Variants in SUGCT observed in about 807,000 individuals in gnomAD.
The protein encoded by SUGCT is succinyl-CoA:glutarate CoA-transferase.
SUGCT carries 41 observed loss-of-function variants against 55.0 expected under a neutral mutation model. The observed-to-expected ratio is 0.74, with a 90% CI of 0.58 to 0.97. The LOEUF is 0.97. Among genes scored for constraint, SUGCT ranks in the 50% least tolerant of loss-of-function variants. The pLI is 0.00. For synonymous variants in SUGCT, 187 were observed against 200.4 expected (o/e 0.93, Z 0.56); for missense variants, 568 against 547.8 (o/e 1.04, Z -0.37).
intron 9 of SUGCT, among the ~76,000 whole-genome samples, chr7:40,320,107 A>ATTT (rs1041014032): frequency 1.1e-5 from 1 of 92,032 alleles, no homozygotes; most frequent in African/African-American, 3.2e-5. Context: ...ATATTTGTTA[A>ATTT]TTTTTTGTTT....
chr7:40,433,621 C>T (rs141604045), intron 9 of SUGCT, among the ~76,000 whole-genome samples: 194 of 152,232 alleles, frequency 1.3e-3, no homozygotes, highest in Non-Finnish European at 2.0e-3. Flanking sequence ...TACTGGCTGG[C>T]ATGGGAGTGG....
intron 12 of SUGCT, among the ~76,000 whole-genome samples, chr7:40,669,658 C>T (rs1190606212): frequency 1.3e-5 from 2 of 148,632 alleles, no homozygotes; most frequent in Non-Finnish European, 3.0e-5. Flanking sequence ...ACAAAAAAAC[C>T]CTCAACTTAA....
intron 9 of SUGCT, among the ~76,000 whole-genome samples, chr7:40,342,399 A>G (rs992633118): frequency 6.6e-6 from 1 of 152,228 alleles, no homozygotes; most frequent in African/African-American, 2.4e-5. Context: ...TGATCTTTCA[A>G]TAGAGTAATC....
intron 11 of SUGCT, among the ~76,000 whole-genome samples, chr7:40,495,584 C>T (rs1212576034): frequency 6.6e-6 from 1 of 152,044 alleles, no homozygotes; most frequent in Non-Finnish European, 1.5e-5. Flanking sequence ...AAATATAAAA[C>T]AATAAATCTC....
At chr7:40,221,696 G>A (rs1170486089) in intron 6 of SUGCT, among the ~76,000 whole-genome samples, 1 of 151,686 alleles carries the variant, frequency 6.6e-6, no homozygotes, top group African/African-American at 2.4e-5. Context: ...TCACTATGTT[G>A]GCCAGGCTGG....
chr7:41,031,335 A>G, the SUGCT span, among the ~76,000 whole-genome samples: 1 of 152,190 alleles, frequency 6.6e-6, no homozygotes, highest in Non-Finnish European at 1.5e-5. Flanking sequence ...TGATTTATGA[A>G]TTTTGGAAGC....
chr7:40,992,201 G>C, the SUGCT span, among the ~76,000 whole-genome samples: 1 of 152,078 alleles, frequency 6.6e-6, no homozygotes, highest in Non-Finnish European at 1.5e-5. Flanking sequence ...CAGAACCGAG[G>C]GTTCCTCCGC....
chr7:40,759,717 G>C (rs1788439861), intron 13 of SUGCT, among the ~76,000 whole-genome samples: 1 of 151,816 alleles, frequency 6.6e-6, no homozygotes, highest in African/African-American at 2.4e-5. Flanking sequence ...TTTATTTGAA[G>C]ATCAGTTGAC....
chr7:40,224,557 CT>C (rs750591761), intron 6 of SUGCT, among the ~76,000 whole-genome samples: 1 of 151,910 alleles, frequency 6.6e-6, no homozygotes, highest in Non-Finnish European at 1.5e-5. Context: ...GTTTTGAAGA[CT>C]TTTTTTCCTT....
chr7:40,610,288 A>G (rs1234246610), intron 12 of SUGCT, among the ~76,000 whole-genome samples: 1 of 152,248 alleles, frequency 6.6e-6, no homozygotes, highest in African/African-American at 2.4e-5. Flanking sequence ...AATCATTTAC[A>G]TCTGGGTCTC....
intron 12 of SUGCT, among the ~76,000 whole-genome samples, chr7:40,531,963 C>T (rs1029987220): frequency 4.6e-5 from 7 of 152,250 alleles, no homozygotes; most frequent in South Asian, 4.1e-4. Context: ...CGTGAGCCAC[C>T]GCGCCCGGCC....
intron 12 of SUGCT, among the ~76,000 whole-genome samples, chr7:40,700,850 A>G (rs1429560692): frequency 6.6e-6 from 1 of 152,176 alleles, no homozygotes; most frequent in Non-Finnish European, 1.5e-5. Context: ...TGGGAGTAAG[A>G]GGAGACTAGA....
intron 12 of SUGCT, among the ~76,000 whole-genome samples, chr7:40,497,984 TA>T (rs1464559148): frequency 3.3e-5 from 5 of 152,144 alleles, no homozygotes; most frequent in Non-Finnish European, 5.9e-5. Flanking sequence ...TCAAAGTGAA[TA>T]TAGGATAATT....
At chr7:40,750,191 T>C (rs1221918678) in intron 13 of SUGCT, among the ~76,000 whole-genome samples, 1 of 152,124 alleles carries the variant, frequency 6.6e-6, no homozygotes, top group Admixed American at 6.6e-5. Flanking sequence ...CCAATACATT[T>C]CCCTCCCACA....
intron 9 of SUGCT, among the ~76,000 whole-genome samples, chr7:40,439,649 T>G (rs947941838): frequency 6.6e-6 from 1 of 152,174 alleles, no homozygotes; most frequent in Admixed American, 6.5e-5. Flanking sequence ...TACTCTTTTT[T>G]AGTCTTTCAT....
chr7:40,269,776 A>T (rs370715194), intron 7 of SUGCT, among the ~76,000 whole-genome samples: 1 of 152,152 alleles, frequency 6.6e-6, no homozygotes, highest in African/African-American at 2.4e-5. Context: ...AGAAATGTCT[A>T]TTGAGATCTT....
the SUGCT span, among the ~76,000 whole-genome samples, chr7:40,999,395 C>A: frequency 6.6e-6 from 1 of 152,098 alleles, no homozygotes; most frequent in African/African-American, 2.4e-5. Context: ...AATTTCTATG[C>A]TTGAATTTCT....
intron 5 of SUGCT, 97 bp downstream of exon 5, chr7:40,189,691 G>A (rs1785777958): frequency 2.0e-6 from 1 of 505,098 alleles, no homozygotes; most frequent in Non-Finnish European, 3.4e-6. Flanking sequence ...TTTTATGGGT[G>A]ATCTGTACGT....
At chr7:40,577,476 TG>T (rs1796833617) in intron 12 of SUGCT, among the ~76,000 whole-genome samples, 1 of 152,148 alleles carries the variant, frequency 6.6e-6, no homozygotes. Context: ...TTTCTAGTCA[TG>T]AATGATCTCT....
Sources: gnomAD v4.1 joint callset for allele counts (sites outside exome capture counted in the v4.1 genomes callset) on GRCh38, gnomAD v4.1.1 for gene constraint, MANE v1.5 for transcripts, NCBI Gene and HGNC (gene_info 2026-07-23, HGNC 2026-07-21) for gene names.